The following RBFOX3 variants were observed in gnomAD, a reference collection of about 807,000 sequenced individuals.
RBFOX3 encodes RNA binding protein fox-1 homolog 3.
RBFOX3 carries 17 observed loss-of-function variants against 48.7 expected under a neutral mutation model. The ratio of observed to expected loss-of-function variants is 0.35; its 90% CI spans 0.24 to 0.52. The LOEUF (loss-of-function observed/expected upper bound fraction) is 0.52, where lower values mean the gene tolerates loss of function less well. Ranked by LOEUF, RBFOX3 falls within the 20% of genes least tolerant of loss-of-function variation. The pLI is 0.94. For missense variants in RBFOX3, 382 were observed against 497.5 expected, an observed-to-expected ratio of 0.77 and a Z score of 2.21; for synonymous variants, 212 against 209.5, an observed-to-expected ratio of 1.01 and a Z score of -0.10.
intron 2 of RBFOX3, among the ~76,000 whole-genome samples, chr17:79,470,022 AG>A (rs1268690302): frequency 6.6e-6 from 1 of 152,110 alleles, no homozygotes; most frequent in African/African-American, 2.4e-5. Flanking sequence ...AGCCAGGGTG[AG>A]GGTCGTAGGC....
intron 6 of RBFOX3, 94 bp downstream of exon 6, chr17:79,106,557 G>A (rs2146657078): frequency 2.9e-6 from 4 of 1,364,150 alleles, no homozygotes; most frequent in East Asian, 6.1e-5. Flanking sequence ...AAACCCGGGG[G>A]AACAGGTGTC....
rs145649761 is a variant in RBFOX3 at position 79,192,637 on chromosome 17, G to A, written c.-34+43129C>T. Among the ~76,000 whole-genome samples, 1,427 of 152,236 alleles carry A rather than the reference G, an allele frequency of 9.4e-3. 12 individuals carry two copies. Among genetic ancestry groups the A allele is most frequent in the Non-Finnish European group, 0.014 (982 of 68,024 alleles). On this transcript the variant is annotated intron_variant, in intron 4 of 14. Transcript: ENST00000693108. ...ATGGCTGAAACCCTCCTGGCAGCAC[G>A]GAACGAGAGCTGGAAGGACCGGGCA...
chr17:79,386,613 T>C (rs540354267), intron 2 of RBFOX3, among the ~76,000 whole-genome samples: 16 of 152,300 alleles, frequency 1.1e-4, no homozygotes, highest in Admixed American at 5.2e-4. Context: ...CCAGACACCT[T>C]CCCCAGAGTC....
At chr17:79,513,299 C>A (rs987870176) in intron 1 of RBFOX3, among the ~76,000 whole-genome samples, 1 of 152,200 alleles carries the variant, frequency 6.6e-6, no homozygotes, top group Admixed American at 6.5e-5. Context: ...TGGGCACGGT[C>A]CCATGGCCAG....
chr17:79,640,291 C>G, the RBFOX3 span, among the ~76,000 whole-genome samples: 2 of 152,100 alleles, frequency 1.3e-5, no homozygotes, highest in East Asian at 3.9e-4. Context: ...AACACTGATG[C>G]AGGAAATTAA....
intron 3 of RBFOX3, among the ~76,000 whole-genome samples, chr17:79,283,048 C>A (rs931389224): frequency 6.6e-6 from 1 of 151,894 alleles, no homozygotes; most frequent in Non-Finnish European, 1.5e-5. Flanking sequence ...ATTTTGTTTT[C>A]AAGGCAGGCC....
intron 4 of RBFOX3, among the ~76,000 whole-genome samples, chr17:79,152,977 G>A (rs1366806653): frequency 2.6e-5 from 4 of 152,170 alleles, no homozygotes; most frequent in Admixed American, 1.3e-4. Context: ...AGGTGGCTGC[G>A]GTCGGGTGGG....
chr17:79,457,400 C>T (rs1442556325), intron 2 of RBFOX3, among the ~76,000 whole-genome samples: 2 of 152,126 alleles, frequency 1.3e-5, no homozygotes, highest in African/African-American at 2.4e-5. Context: ...AATGGGGGTA[C>T]GGCCTTTCTA....
intron 3 of RBFOX3, among the ~76,000 whole-genome samples, chr17:79,282,483 C>T (rs1486980718): frequency 6.6e-6 from 1 of 151,918 alleles, no homozygotes; most frequent in Non-Finnish European, 1.5e-5. Flanking sequence ...CCAGCCTGAA[C>T]TGCTGGCTCA....
intron 4 of RBFOX3, among the ~76,000 whole-genome samples, chr17:79,172,429 G>A (rs2049541254): frequency 6.6e-6 from 1 of 152,246 alleles, no homozygotes; most frequent in East Asian, 1.9e-4. Context: ...ACCGGTCTGA[G>A]TCTGGTCTGA....
chr17:79,124,361 T>C (rs868200609), intron 4 of RBFOX3, among the ~76,000 whole-genome samples: 1 of 152,228 alleles, frequency 6.6e-6, no homozygotes, highest in African/African-American at 2.4e-5. Context: ...TAAATGACAC[T>C]GAACGAGGCT....
intron 1 of RBFOX3, among the ~76,000 whole-genome samples, chr17:79,521,217 GACAC>G (rs1284110564): frequency 3.1e-4 from 47 of 151,048 alleles, no homozygotes; most frequent in Admixed American, 2.2e-3. Context: ...CTCACGCTCA[GACAC>G]ACACACACAC....
chr17:79,637,735 G>GGGGAA, the RBFOX3 span, among the ~76,000 whole-genome samples: 127 of 126,976 alleles, frequency 1.0e-3, no homozygotes, highest in African/African-American at 3.6e-3. Flanking sequence ...AGGGAAGGGA[G>GGGGAA]GGGAGGGGAG....
chr17:79,422,230 GC>G (rs1370282132), intron 2 of RBFOX3, among the ~76,000 whole-genome samples: 2 of 152,064 alleles, frequency 1.3e-5, no homozygotes, highest in African/African-American at 4.8e-5. Flanking sequence ...GTTGGGACGG[GC>G]ACGCGGGGAG....
intron 1 of RBFOX3, among the ~76,000 whole-genome samples, chr17:79,567,043 G>C (rs920579425): frequency 1.4e-4 from 22 of 152,076 alleles, no homozygotes; most frequent in African/African-American, 4.8e-4. Flanking sequence ...TTTCATGTCT[G>C]TTAACCAACT....
chr17:79,297,114 T>A (rs370128986), intron 3 of RBFOX3, among the ~76,000 whole-genome samples: 68 of 152,088 alleles, frequency 4.5e-4, no homozygotes, highest in African/African-American at 1.6e-3. Flanking sequence ...CAAGGCCCAC[T>A]ACCTGCCTTG....
upstream of RBFOX3, among the ~76,000 whole-genome samples, chr17:79,613,008 G>A (rs1172724818): frequency 2.6e-5 from 4 of 152,184 alleles, no homozygotes; most frequent in Admixed American, 1.3e-4. Context: ...AGTGGGATTC[G>A]AGCCCATCTC....
At chr17:79,478,094 C>T (rs1475172337) in intron 2 of RBFOX3, among the ~76,000 whole-genome samples, 1 of 152,190 alleles carries the variant, frequency 6.6e-6, no homozygotes, top group Non-Finnish European at 1.5e-5. Context: ...TCCAGGAAGC[C>T]CCACGCACGT....
At chr17:79,379,902 A>G (rs1329659539) in intron 2 of RBFOX3, among the ~76,000 whole-genome samples, 1 of 152,102 alleles carries the variant, frequency 6.6e-6, no homozygotes, top group Non-Finnish European at 1.5e-5. Context: ...ACGAGTCTGC[A>G]TGTGCGTCCT....
Sources: gnomAD v4.1 joint callset for allele counts (sites outside exome capture counted in the v4.1 genomes callset) on GRCh38, gnomAD v4.1.1 for gene constraint, MANE v1.5 for transcripts, NCBI Gene and HGNC (gene_info 2026-07-23, HGNC 2026-07-21) for gene names.